UBAC2: variants seen among roughly 807,000 people sequenced by gnomAD.
The protein encoded by UBAC2 is UBA domain containing 2.
A neutral mutation model predicts 44.0 loss-of-function variants in UBAC2; 26 were observed. That is an observed-to-expected ratio of 0.59 (90% CI 0.43 to 0.82). The LOEUF (loss-of-function observed/expected upper bound fraction) is 0.82, where lower values mean the gene tolerates loss of function less well. UBAC2 is among the 40% of genes least tolerant of loss of function. The probability of loss-of-function intolerance (pLI) is 0.00; values close to 1 mark genes in which losing one functional copy is unlikely to be tolerated. For synonymous variants in UBAC2, 155 were observed against 154.3 expected (o/e 1.00, Z -0.04); for missense variants, 329 against 419.4 (o/e 0.78, Z 1.88).
At chr13:99,362,834 G>A (rs922091496) in intron 7 of UBAC2, among the ~76,000 whole-genome samples, 1 of 152,126 alleles carries the variant, frequency 6.6e-6, no homozygotes, top group Non-Finnish European at 1.5e-5. Context: ...CTCTCAATCT[G>A]TAGTTTGTCT....
At chr13:99,208,620 T>G (rs1301449634) in intron 1 of UBAC2, among the ~76,000 whole-genome samples, 4 of 152,252 alleles carry the variant, frequency 2.6e-5, no homozygotes, top group African/African-American at 9.6e-5. Context: ...AGACTTGTAG[T>G]TGGCAACCAT....
chr13:99,244,134 CATA>C (rs769367469), intron 3 of UBAC2, among the ~76,000 whole-genome samples, 183 bp downstream of exon 3: 6 of 151,930 alleles, frequency 3.9e-5, no homozygotes, highest in Admixed American at 6.6e-5. Context: ...AAGACATTAG[CATA>C]ATAATAATAG....
chr13:99,299,369 T>C (rs1266065966), intron 4 of UBAC2, among the ~76,000 whole-genome samples: 1 of 152,178 alleles, frequency 6.6e-6, no homozygotes, highest in African/African-American at 2.4e-5. Flanking sequence ...TGAAAATGCC[T>C]GTTTCTTGAC....
At chr13:99,339,887 G>A (rs1233480897) in intron 6 of UBAC2, among the ~76,000 whole-genome samples, 10 of 152,182 alleles carry the variant, frequency 6.6e-5, no homozygotes, top group Admixed American at 3.3e-4. Context: ...TAAATTGATC[G>A]TGTGACTGGG....
intron 1 of UBAC2, among the ~76,000 whole-genome samples, chr13:99,217,349 C>A (rs1467853963): frequency 6.6e-6 from 1 of 152,186 alleles, no homozygotes; most frequent in East Asian, 1.9e-4. Flanking sequence ...TCCCGTGGCT[C>A]ATCAGAGCTT....
intron 1 of UBAC2, chr13:99,201,353 C>T: frequency 8.4e-6 from 13 of 1,556,574 alleles, no homozygotes; most frequent in Admixed American, 3.8e-5. Context: ...TAACTCCCCC[C>T]GCCCCCACTT....
chr13:99,249,118 T>C (rs970133739), intron 4 of UBAC2, among the ~76,000 whole-genome samples: 1 of 152,182 alleles, frequency 6.6e-6, no homozygotes, highest in African/African-American at 2.4e-5. Flanking sequence ...CAGATGATCC[T>C]GTCACCCAGG....
chr13:99,201,564 G>C (rs1566443273), intron 1 of UBAC2: 2 of 1,613,870 alleles, frequency 1.2e-6, no homozygotes, highest in Non-Finnish European at 1.7e-6. Flanking sequence ...GCGGTGGTCA[G>C]CAGGTAGGGG....
chr13:99,215,630 A>T lies in UBAC2; in HGVS notation c.31+14691A>T, dbSNP rs953094546. On this transcript the variant is annotated intron_variant, in intron 1 of 8. Transcript: ENST00000403766. ...CGGCAGTTGCACCCACATGTCTGTG[A>T]CCCGTCGTCCTAGATTTCAGGTGTT... 3.5e-5 allele frequency: 47 copies of T among 1,325,372 alleles called. No individual in the cohort carries two copies. The South Asian group carries it at 5.5e-4, about 15-fold the overall frequency. 82.1% of individuals were successfully genotyped at this position (1,325,372 alleles called of 1,614,324 possible).
intron 4 of UBAC2, among the ~76,000 whole-genome samples, chr13:99,264,916 G>A (rs1307339265): frequency 6.6e-6 from 1 of 151,734 alleles, no homozygotes; most frequent in African/African-American, 2.4e-5. Context: ...TAAATGCAAA[G>A]CACTCAGTCC....
chr13:99,201,358 C>T, intron 1 of UBAC2: 2 of 1,565,836 alleles, frequency 1.3e-6, no homozygotes, highest in Non-Finnish European at 1.7e-6. Flanking sequence ...CCCCCCGCCC[C>T]CACTTGCAAA....
chr13:99,280,201 G>C (rs559203314), intron 4 of UBAC2, among the ~76,000 whole-genome samples: 1 of 152,176 alleles, frequency 6.6e-6, no homozygotes, highest in South Asian at 2.1e-4. Context: ...GCTTCCTCCT[G>C]CTGTTTTATA....
At chr13:99,374,154 T>C (rs1167900206) in intron 8 of UBAC2, among the ~76,000 whole-genome samples, 1 of 152,188 alleles carries the variant, frequency 6.6e-6, no homozygotes, top group East Asian at 1.9e-4. Context: ...AACAGTGCAT[T>C]TTGTAAGAAG....
intron 5 of UBAC2, among the ~76,000 whole-genome samples, chr13:99,315,352 A>G (rs1330830341): frequency 1.3e-5 from 2 of 152,204 alleles, no homozygotes; most frequent in Non-Finnish European, 2.9e-5. Context: ...GACCTCCCTC[A>G]GGAGACCCAA....
At chr13:99,306,901 C>G (rs1323485979) in intron 4 of UBAC2, among the ~76,000 whole-genome samples, 2 of 152,134 alleles carry the variant, frequency 1.3e-5, no homozygotes, top group African/African-American at 4.8e-5. Flanking sequence ...CCTAGGAATT[C>G]TACCCCTGAG....
intron 8 of UBAC2, among the ~76,000 whole-genome samples, chr13:99,381,776 C>G (rs548561615): frequency 2.0e-5 from 3 of 152,192 alleles, no homozygotes; most frequent in African/African-American, 7.2e-5. Context: ...TGAGAAAGCA[C>G]AGGGAGGAAC....
chr13:99,260,313 C>T (rs552031127), intron 4 of UBAC2, among the ~76,000 whole-genome samples: 1 of 152,266 alleles, frequency 6.6e-6, no homozygotes, highest in South Asian at 2.1e-4. Flanking sequence ...CACTAAATTG[C>T]ATTCCTTGAG....
chr13:99,239,531 A>G (rs1012192775), intron 2 of UBAC2, among the ~76,000 whole-genome samples: 9 of 152,176 alleles, frequency 5.9e-5, no homozygotes, highest in African/African-American at 2.2e-4. Context: ...AACAACCCCT[A>G]GGGGATTCTA....
chr13:99,303,993 G>T (rs1410819694), intron 4 of UBAC2, among the ~76,000 whole-genome samples: 1 of 152,118 alleles, frequency 6.6e-6, no homozygotes. Context: ...TCTGCCTGTT[G>T]TGTGCCATTC....
Sources: allele counts gnomAD v4.1 joint callset (sites outside exome capture counted in the v4.1 genomes callset), GRCh38; gene constraint gnomAD v4.1.1; transcripts MANE v1.5; gene names NCBI Gene and HGNC (gene_info 2026-07-23, HGNC 2026-07-21).